Variants in ITGB5 observed in about 807,000 individuals in gnomAD.
ITGB5 encodes integrin subunit beta 5.
In ITGB5, 38 loss-of-function variants were observed where a neutral mutation model predicts 84.8. That is an observed-to-expected ratio of 0.45 (90% CI 0.35 to 0.59). The LOEUF is 0.59. ITGB5 is among the 20% of genes least tolerant of loss of function. The pLI is 0.01. For missense variants in ITGB5, 905 were observed against 1,034.5 expected, an observed-to-expected ratio of 0.87 and a Z score of 1.72; for synonymous variants, 393 against 414.4, an observed-to-expected ratio of 0.95 and a Z score of 0.63.
intron 3 of ITGB5, among the ~76,000 whole-genome samples, chr3:124,854,051 C>T (rs2107611197): frequency 6.6e-6 from 1 of 152,246 alleles, no homozygotes; most frequent in African/African-American, 2.4e-5. Context: ...ATTTTATGCT[C>T]TTTGTTAATG....
intron 10 of ITGB5, among the ~76,000 whole-genome samples, chr3:124,784,539 C>T (rs1004831003): frequency 6.6e-6 from 1 of 152,204 alleles, no homozygotes; most frequent in Admixed American, 6.5e-5. Context: ...CGATGCCCAG[C>T]TGCCATGTCA....
intron 11 of ITGB5, among the ~76,000 whole-genome samples, chr3:124,772,864 G>C (rs908641597): frequency 1.3e-5 from 2 of 150,338 alleles, no homozygotes; most frequent in Non-Finnish European, 3.0e-5. Context: ...ATTTGCAGTG[G>C]TTTCTGGCAT....
At chr3:124,873,733 C>T (rs967998135) in intron 1 of ITGB5, among the ~76,000 whole-genome samples, 4 of 152,092 alleles carry the variant, frequency 2.6e-5, no homozygotes, top group African/African-American at 7.2e-5. Context: ...CAAGCATGCA[C>T]GCTTGTGTTA....
rs200439358 is a variant in ITGB5, at chr3:124,830,976, TC to T, written c.781-9503del. Among the ~76,000 whole-genome samples, 148 of 152,068 alleles carry T rather than the reference TC, an allele frequency of 9.7e-4. 2 individuals are homozygous for T. In the East Asian group the frequency reaches 0.024, roughly 25 times the overall value. On this transcript the variant is annotated intron_variant, in intron 5 of 14. Coordinates refer to ENST00000296181, the MANE Select transcript of ITGB5 (RefSeq NM_002213.5). ...TCCAGCCTGGGTGACAGAGCACAAC[TC>T]CATCTCAAACGAACAACAACAACAA...
In ITGB5 at chr3:124,844,497, T is replaced by C. The variant is rs576978673; in HGVS notation, c.612-2946A>G. 1.5e-4 allele frequency among the ~76,000 whole-genome samples: 23 copies of C among 151,860 alleles called. 1 individual carries two copies. In the South Asian group the frequency reaches 2.5e-3, roughly 17 times the overall value. On this transcript the variant is annotated intron_variant, in intron 4 of 14. Coordinates refer to ENST00000296181, the MANE Select transcript of ITGB5 (RefSeq NM_002213.5). ...ATCACTTGAACCCAGGAGGTGGAGG[T>C]TGCAGTGAGCTGAGATCCCGCCACT...
chr3:124,844,354 G>A (rs2065050081), intron 4 of ITGB5, among the ~76,000 whole-genome samples: 2 of 152,168 alleles, frequency 1.3e-5, no homozygotes. Flanking sequence ...GAGGTCAGGA[G>A]TTCAAGACCA....
At chr3:124,840,533 G>A (rs1231077463) in intron 5 of ITGB5, among the ~76,000 whole-genome samples, 1 of 151,894 alleles carries the variant, frequency 6.6e-6, no homozygotes, top group Non-Finnish European at 1.5e-5. Context: ...GCTAAGATTG[G>A]AACCTCTCGA....
At chr3:124,844,215 A>G (rs1486328256) in intron 4 of ITGB5, among the ~76,000 whole-genome samples, 1 of 142,276 alleles carries the variant, frequency 7.0e-6, no homozygotes, top group Admixed American at 6.9e-5. Context: ...CAAAAAAAAA[A>G]AAAAAAAAAA....
intron 10 of ITGB5, among the ~76,000 whole-genome samples, chr3:124,788,612 T>A (rs1172880359): frequency 6.6e-6 from 1 of 152,194 alleles, no homozygotes; most frequent in Non-Finnish European, 1.5e-5. Context: ...CTCCTGGCCC[T>A]CACTGTCATG....
chr3:124,834,442 A>AGAAG (rs549235723), intron 5 of ITGB5, among the ~76,000 whole-genome samples: 7 of 147,114 alleles, frequency 4.8e-5, no homozygotes, highest in East Asian at 2.1e-4. Context: ...AAAGAAAGAA[A>AGAAG]GAAGGAAGGA....
At chr3:124,875,476 C>CCAAA (rs1934266011) in intron 1 of ITGB5, among the ~76,000 whole-genome samples, 1 of 104,670 alleles carries the variant, frequency 9.6e-6, no homozygotes, top group Admixed American at 1.1e-4. Context: ...GACTCTGTCT[C>CCAAA]AAAAAAAAAA....
Position 124,873,473 on chromosome 3 carries a change from G to A in ITGB5, c.129C>T (p.His43=). 1 of 1,613,746 alleles carries A rather than the reference G, an allele frequency of 6.2e-7. No homozygotes were observed. Among genetic ancestry groups the A allele is most frequent in the Non-Finnish European group, 8.5e-7 (1 of 1,179,736 alleles). ...CTTTGGAGCACCAGGCACATTTTGG[G>A]TGGATTAGCAGACATTCTTCACATG... ...ATSCEECLLI[H]PKCAWCSKED... is the part of the protein sequence containing the mutation. Residue 43 remains histidine, a synonymous_variant, in exon 2 of 15, where the codon CAC becomes CAT. Coordinates refer to ENST00000296181, the MANE Select transcript of ITGB5 (RefSeq NM_002213.5).
At position 124,763,615 on chromosome 3, in the gene ITGB5, A is replaced by G. The variant is rs1454182718; in HGVS notation, c.*8T>C. 6.5e-7 allele frequency: 1 copy of G among 1,549,812 alleles called. No individual in the cohort carries two copies. On this transcript the variant is annotated 3_prime_UTR_variant, in exon 15 of 15. Transcript: ENST00000296181. The stretch of plus-strand genomic sequence containing the variant: ...GATCCCCGCTCCAGCCCCTCGGAGA[A>G]GGAAACATCAGTCCACAGTGCCATT...
At chr3:124,834,596 AAGAG>A (rs1204282238) in intron 5 of ITGB5, among the ~76,000 whole-genome samples, 5 of 91,118 alleles carry the variant, frequency 5.5e-5, no homozygotes, top group Non-Finnish European at 1.1e-4. Flanking sequence ...GAAGGAAGGA[AAGAG>A]AGAGAGAGAA....
chr3:124,861,913 G>T (rs565985237), intron 2 of ITGB5, among the ~76,000 whole-genome samples: 1 of 152,330 alleles, frequency 6.6e-6, no homozygotes, highest in East Asian at 1.9e-4. Context: ...AGGTGGTCAA[G>T]CTTGGCTCTG....
At chr3:124,826,434 GC>G (rs1291571646) in intron 5 of ITGB5, among the ~76,000 whole-genome samples, 2 of 152,120 alleles carry the variant, frequency 1.3e-5, no homozygotes, top group Non-Finnish European at 2.9e-5. Flanking sequence ...CACCTCAAAA[GC>G]TTTTTTCTTA....
intron 10 of ITGB5, among the ~76,000 whole-genome samples, chr3:124,787,969 A>G (rs1256241238): frequency 6.9e-6 from 1 of 145,204 alleles, no homozygotes; most frequent in Non-Finnish European, 1.5e-5. Flanking sequence ...GTGCAGTGGC[A>G]TGATCTCTGC....
At chr3:124,829,711 C>T (rs961398628) in intron 5 of ITGB5, among the ~76,000 whole-genome samples, 1 of 152,216 alleles carries the variant, frequency 6.6e-6, no homozygotes, top group African/African-American at 2.4e-5. Flanking sequence ...TGAGGAAACA[C>T]AGCCCTGCAA....
At chr3:124,763,863 C>G (rs1236426989) in intron 14 of ITGB5, 145 bp from the exon 15 acceptor site, 1 of 580,900 alleles carries the variant, frequency 1.7e-6, no homozygotes, top group Non-Finnish European at 3.1e-6. Context: ...GCCGTGGGCT[C>G]TAGGACAGCT....
Sources: allele counts gnomAD v4.1 joint callset (sites outside exome capture counted in the v4.1 genomes callset), GRCh38; gene constraint gnomAD v4.1.1; transcripts MANE v1.5; gene names NCBI Gene and HGNC (gene_info 2026-07-23, HGNC 2026-07-21).